KCND2: variants seen among roughly 807,000 people sequenced by gnomAD.
KCND2 encodes the protein A-type voltage-gated potassium channel KCND2.
A neutral mutation model predicts 54.4 loss-of-function variants in KCND2; 16 were observed. That is an observed-to-expected ratio of 0.29 (90% CI 0.20 to 0.45). The LOEUF is 0.45. Ranked by LOEUF, KCND2 falls within the 20% of genes least tolerant of loss-of-function variation. The pLI is 1.00. For missense variants in KCND2, 486 were observed against 824.2 expected (o/e 0.59, Z 5.02); for synonymous variants, 317 against 310.7 (o/e 1.02, Z -0.21).
chr7:120,499,222 A>G (rs576800430), intron 1 of KCND2, among the ~76,000 whole-genome samples: 2 of 152,176 alleles, frequency 1.3e-5, no homozygotes, highest in Non-Finnish European at 2.9e-5. Context: ...CTGATAAGGG[A>G]AAGTTTACAA....
intron 1 of KCND2, among the ~76,000 whole-genome samples, chr7:120,700,318 A>G (rs566105140): frequency 6.6e-6 from 1 of 152,354 alleles, no homozygotes; most frequent in African/African-American, 2.4e-5. Flanking sequence ...TGGCTAATTC[A>G]TATAAGTTTA....
rs1800415343 is a variant in KCND2, at chr7:120,352,000, C to T, written c.1115+76253C>T. 2.0e-5 allele frequency among the ~76,000 whole-genome samples: 3 copies of T among 151,834 alleles called. No homozygotes were observed. In the South Asian group the frequency reaches 6.2e-4, roughly 32 times the overall value. On this transcript the variant is annotated intron_variant, in intron 1 of 5. Coordinates refer to ENST00000331113, the MANE Select transcript of KCND2 (RefSeq NM_012281.3). ...CTAATTTTTGTATTTTCAGTAGAGA[C>T]AGGGTTTCACCATGTTGGCCAGGAT... is the stretch of plus-strand genomic sequence containing the variant.
intron 1 of KCND2, among the ~76,000 whole-genome samples, chr7:120,301,503 T>C (rs1799585200): frequency 6.6e-6 from 1 of 152,150 alleles, no homozygotes; most frequent in African/African-American, 2.4e-5. Flanking sequence ...CAGGGTTTTT[T>C]TTTCAGTCTT....
At chr7:120,702,269 T>C (rs1261032439) in intron 1 of KCND2, among the ~76,000 whole-genome samples, 1 of 152,144 alleles carries the variant, frequency 6.6e-6, no homozygotes, top group Non-Finnish European at 1.5e-5. Context: ...CGTATGGCTA[T>C]TACTAAAAAG....
chr7:120,465,464 A>G (rs1802353409), intron 1 of KCND2, among the ~76,000 whole-genome samples: 1 of 152,078 alleles, frequency 6.6e-6, no homozygotes, highest in South Asian at 2.1e-4. Flanking sequence ...TAATAGGAAT[A>G]TTTGTCAAGT....
intron 1 of KCND2, among the ~76,000 whole-genome samples, chr7:120,573,953 T>A (rs1477885460): frequency 6.6e-6 from 1 of 152,166 alleles, no homozygotes; most frequent in East Asian, 1.9e-4. Flanking sequence ...TAACTTAAAA[T>A]TAGGTATTAA....
At chr7:120,584,525 G>A (rs1792566282) in intron 1 of KCND2, among the ~76,000 whole-genome samples, 1 of 152,218 alleles carries the variant, frequency 6.6e-6, no homozygotes, top group African/African-American at 2.4e-5. Flanking sequence ...AAGTTGAACA[G>A]GTTAGCATTT....
intron 1 of KCND2, among the ~76,000 whole-genome samples, chr7:120,444,813 G>A (rs1371884554): frequency 2.0e-5 from 3 of 152,050 alleles, no homozygotes; most frequent in Non-Finnish European, 4.4e-5. Flanking sequence ...GGATGTTAAG[G>A]TGTAATGATT....
intron 1 of KCND2, among the ~76,000 whole-genome samples, chr7:120,659,944 G>A (rs1313579534): frequency 6.6e-6 from 1 of 152,118 alleles, no homozygotes; most frequent in African/African-American, 2.4e-5. Flanking sequence ...AAATATAGCA[G>A]GAAAGATTAC....
At chr7:120,366,723 G>A (rs144766385) in intron 1 of KCND2, among the ~76,000 whole-genome samples, 123 of 152,110 alleles carry the variant, frequency 8.1e-4, no homozygotes, top group African/African-American at 2.7e-3. Context: ...CACCAGTTTC[G>A]TTCTAACTTT....
Position 120,742,496 on chromosome 7 carries a change from C to T in KCND2, c.1375-14C>T, listed in dbSNP as rs1483972915. 2 of 1,608,876 alleles carry T rather than the reference C, an allele frequency of 1.2e-6. No individual in the cohort carries two copies. The highest frequency in any genetic ancestry group is 1.6e-4 in the Middle Eastern group (1 of 6,070). On this transcript the variant is annotated splice_polypyrimidine_tract_variant and intron_variant, in intron 3 of 5. Transcript: ENST00000331113. ...ATAAAATAGAAAGCTCTTCTGTCTT[C>T]TCTTTGTTAACAGTCCTCAGAGGAT... is the stretch of plus-strand genomic sequence containing the variant.
At chr7:120,692,238 C>T (rs1269261449) in intron 1 of KCND2, among the ~76,000 whole-genome samples, 2 of 152,072 alleles carry the variant, frequency 1.3e-5, no homozygotes, top group Non-Finnish European at 1.5e-5. Context: ...GTAACATGTT[C>T]GTGCCAATAT....
intron 1 of KCND2, among the ~76,000 whole-genome samples, chr7:120,365,666 G>A (rs149461286): frequency 6.6e-6 from 1 of 152,108 alleles, no homozygotes; most frequent in Non-Finnish European, 1.5e-5. Flanking sequence ...GATGTCAATC[G>A]TACAATTACT....
chr7:120,334,129 C>A (rs1414004703), intron 1 of KCND2, among the ~76,000 whole-genome samples: 1 of 152,028 alleles, frequency 6.6e-6, no homozygotes, highest in African/African-American at 2.4e-5. Context: ...ATAAGAAAAC[C>A]TGAGTGTGCT....
intron 1 of KCND2, among the ~76,000 whole-genome samples, chr7:120,369,237 C>A (rs1363522631): frequency 6.6e-6 from 1 of 151,348 alleles, no homozygotes; most frequent in Non-Finnish European, 1.5e-5. Context: ...GCTTTGTTGT[C>A]CTAAAAAAAG....
chr7:120,488,940 T>C (rs1802732520), intron 1 of KCND2, among the ~76,000 whole-genome samples: 1 of 152,076 alleles, frequency 6.6e-6, no homozygotes, highest in African/African-American at 2.4e-5. Context: ...ACCTGTCCAA[T>C]TTTCTCCTAC....
chr7:120,443,827 A>G (rs1323969631), intron 1 of KCND2, among the ~76,000 whole-genome samples: 5 of 151,996 alleles, frequency 3.3e-5, no homozygotes, highest in Admixed American at 3.3e-4. Flanking sequence ...GTGTGTCACT[A>G]ATTACAGAAT....
chr7:120,520,919 A>G (rs969256004), intron 1 of KCND2, among the ~76,000 whole-genome samples: 9 of 152,180 alleles, frequency 5.9e-5, no homozygotes, highest in African/African-American at 2.2e-4. Flanking sequence ...TGGTTCTACC[A>G]AACTCTGCAT....
rs149072119 is a variant in KCND2, at chr7:120,634,477, G to A, written c.1116-98426G>A. ...GTTTCCTAGCACAGGAACTGGTACC[G>A]CCATACACTCGATACTCAATCGAGA... On this transcript the variant is annotated intron_variant, in intron 1 of 5. Coordinates refer to ENST00000331113, the MANE Select transcript of KCND2 (RefSeq NM_012281.3). Among the ~76,000 whole-genome samples the A allele has an allele frequency of 1.1e-4, 16 of 151,962 alleles. No homozygotes were observed. In the East Asian group the frequency reaches 2.7e-3, roughly 26 times the overall value.
Sources: gnomAD v4.1 joint callset for allele counts (sites outside exome capture counted in the v4.1 genomes callset) on GRCh38, gnomAD v4.1.1 for gene constraint, MANE v1.5 for transcripts, NCBI Gene and HGNC (gene_info 2026-07-23, HGNC 2026-07-21) for gene names.